ARHGEF18: variants seen among roughly 807,000 people sequenced by gnomAD.
ARHGEF18 encodes Rho/Rac guanine nucleotide exchange factor 18.
In ARHGEF18, 93 loss-of-function variants were observed where a neutral mutation model predicts 155.7. The observed-to-expected ratio is 0.60, with a 90% confidence interval of 0.50 to 0.71. ARHGEF18 has a LOEUF of 0.71. ARHGEF18 is among the 30% of genes least tolerant of loss of function. ARHGEF18 has a pLI of 0.00. For synonymous variants in ARHGEF18, 742 were observed against 753.1 expected, an observed-to-expected ratio of 0.99 and a Z score of 0.24; for missense variants, 1,593 against 1,816.1, an observed-to-expected ratio of 0.88 and a Z score of 2.23.
At chr19:7,394,019 TTTTG>T (rs1304596093) in intron 10 of ARHGEF18, among the ~76,000 whole-genome samples, 1 of 151,590 alleles carries the variant, frequency 6.6e-6, no homozygotes, top group East Asian at 1.9e-4. Flanking sequence ...CTGCCTCTTT[TTTTG>T]TTGTTGTTAT....
chr19:7,357,221 T>C (rs1195382212), intron 1 of ARHGEF18, among the ~76,000 whole-genome samples: 3 of 152,058 alleles, frequency 2.0e-5, no homozygotes, highest in African/African-American at 7.2e-5. Flanking sequence ...GCAGCTGGAG[T>C]GCCTGGGGAG....
chr19:7,462,577 A>G lies in ARHGEF18; in HGVS notation c.2635+243A>G, dbSNP rs1260726500. 1.3e-5 allele frequency among the ~76,000 whole-genome samples: 2 copies of G among 151,972 alleles called. No individual in the cohort carries two copies. The highest frequency in any genetic ancestry group is 2.9e-5 in the Non-Finnish European group (2 of 68,028). ...ACATAAAGCACTTTCTCCCCGTTCA[A>G]CAACCGCTCTGATGCTCCCTGCATG... On this transcript the variant is annotated intron_variant, in intron 21 of 28. Coordinates refer to ENST00000668164, the MANE Select transcript of ARHGEF18 (RefSeq NM_001367823.1). This position sits in a 1 kb window ranked among gnomAD's most constrained non-coding sequence, Gnocchi z 4.4.
chr19:7,451,008 C>T, intron 15 of ARHGEF18, 141 bp from the exon 16 acceptor site: 1 of 783,972 alleles, frequency 1.3e-6, no homozygotes. Context: ...CTGTCCATTT[C>T]CGAGATGTTA....
intron 1 of ARHGEF18, among the ~76,000 whole-genome samples, chr19:7,353,597 AAAAAAG>A (rs1229856125): frequency 1.3e-5 from 2 of 151,732 alleles, no homozygotes; most frequent in African/African-American, 2.4e-5. Flanking sequence ...TCTCAAAAAA[AAAAAAG>A]AAAAAGAAAA....
intron 8 of ARHGEF18, among the ~76,000 whole-genome samples, chr19:7,382,103 G>A (rs1970774059): frequency 6.6e-6 from 1 of 152,022 alleles, no homozygotes; most frequent in East Asian, 1.9e-4. Context: ...GGAGATAGAA[G>A]AATGAGCAGG....
At chr19:7,408,461 C>A (rs1025908294) in intron 10 of ARHGEF18, among the ~76,000 whole-genome samples, 2 of 152,206 alleles carry the variant, frequency 1.3e-5, no homozygotes, top group African/African-American at 4.8e-5. Flanking sequence ...GGTTCACCAG[C>A]CCCTACAGTA....
chr19:7,363,337 G>T (rs1308200208), intron 2 of ARHGEF18, among the ~76,000 whole-genome samples: 1 of 151,932 alleles, frequency 6.6e-6, no homozygotes, highest in East Asian at 1.9e-4. Flanking sequence ...ATGGATAAAT[G>T]GATGATGGGT....
downstream of ARHGEF18, chr19:7,477,177 G>A (rs1977252211): frequency 7.0e-7 from 1 of 1,433,666 alleles, no homozygotes; most frequent in Non-Finnish European, 9.2e-7. Flanking sequence ...GGCTCTGGCT[G>A]TGTCCCTGTG....
In ARHGEF18 at chr19:7,382,836, C is replaced by T; in HGVS notation, c.767C>T (p.Thr256Ile). Residue 256 changes from threonine to isoleucine, a missense_variant, in exon 9 of 29, where the codon ACC becomes ATC. Coordinates refer to ENST00000668164, the MANE Select transcript of ARHGEF18 (RefSeq NM_001367823.1). ...AAGAACGAGAAGAGTGACAAGAGTA[C>T]CAGTGTGAAGCGCAGGCTGAGCTGC... Reference protein sequence around the residue: ...AGKNEKSDKSTSVKRRLSCLR... With the variant: ...AGKNEKSDKSISVKRRLSCLR... 4 of 1,232,580 alleles carry T rather than the reference C, an allele frequency of 3.2e-6. No individual in the cohort carries two copies. Among genetic ancestry groups the T allele is most frequent in the Non-Finnish European group, 4.0e-6 (4 of 988,106 alleles). The allele number at this position is 1,232,580 out of a possible 1,614,324, so 76.4% of individuals were successfully genotyped here.
intron 10 of ARHGEF18, among the ~76,000 whole-genome samples, chr19:7,390,236 G>T (rs796312638): frequency 2.6e-5 from 4 of 152,274 alleles, no homozygotes; most frequent in African/African-American, 9.6e-5. Flanking sequence ...GCTGGGCGTG[G>T]TGGCTTACAC....
chr19:7,375,908 C>T, intron 4 of ARHGEF18, 38 bp downstream of exon 4: 4 of 1,234,252 alleles, frequency 3.2e-6, no homozygotes, highest in South Asian at 4.1e-5. Context: ...CAATAGCACA[C>T]TTTTGGGTTT....
chr19:7,478,624 C>G, the ARHGEF18 span, among the ~76,000 whole-genome samples: 7 of 152,282 alleles, frequency 4.6e-5, no homozygotes, highest in East Asian at 7.7e-4. Flanking sequence ...CAGGGCCTGG[C>G]CCAGCCTCTG....
chr19:7,365,949 T>C (rs1286078491), intron 2 of ARHGEF18, among the ~76,000 whole-genome samples: 2 of 151,956 alleles, frequency 1.3e-5, no homozygotes, highest in African/African-American at 2.4e-5. Context: ...GCTGAACACA[T>C]ATGTATTTTT....
In ARHGEF18 at chr19:7,463,579, T is replaced by C. The variant is rs1351687444; in HGVS notation, c.2636-239T>C. Among the ~76,000 whole-genome samples, 3 of 152,190 alleles carry C rather than the reference T, an allele frequency of 2.0e-5. No homozygotes were observed. Among genetic ancestry groups the C allele is most frequent in the African/African-American group, 7.2e-5 (3 of 41,458 alleles). ...AGCCTGTACCCGCCCTCCCCATGGC[T>C]GCCCCACAGCCCTGTCCTCTCACTT... is the stretch of plus-strand genomic sequence containing the variant. On this transcript the variant is annotated intron_variant, in intron 21 of 28. Transcript: ENST00000668164. This position sits in a 1 kb window ranked among gnomAD's most constrained non-coding sequence, Gnocchi z 5.2.
At chr19:7,397,128 G>A (rs1971757808) in intron 10 of ARHGEF18, among the ~76,000 whole-genome samples, 2 of 146,772 alleles carry the variant, frequency 1.4e-5, no homozygotes, top group Admixed American at 1.4e-4. Context: ...ATGAAGATGT[G>A]TTTGTTCTAG....
chr19:7,395,013 C>T lies in ARHGEF18; in HGVS notation c.967+11810C>T. ...CTCACCACGGCTCGGGGAGCAGCAG[C>T]CCCAGGTCCCCGGGAGCGCCCCGCC... On this transcript the variant is annotated intron_variant, in intron 10 of 28. Transcript: ENST00000668164. The surrounding 1 kb of genome is among the most constrained non-coding windows in gnomAD (Gnocchi z 5.0). 1 of 978,396 alleles carries T rather than the reference C, an allele frequency of 1.0e-6. No homozygotes were observed. The highest frequency in any genetic ancestry group is 1.2e-6 in the Non-Finnish European group (1 of 823,540). 60.6% of individuals were successfully genotyped at this position (978,396 alleles called of 1,614,324 possible). A position where few individuals can be genotyped will look rare whatever the true frequency, so the allele number is the denominator to read the frequency against.
At chr19:7,435,183 G>A (rs1974188935) in intron 10 of ARHGEF18, among the ~76,000 whole-genome samples, 1 of 151,784 alleles carries the variant, frequency 6.6e-6, no homozygotes, top group Non-Finnish European at 1.5e-5. Flanking sequence ...CTGAGTGACA[G>A]AGCGAGACTC....
chr19:7,404,043 G>C (rs1972161708), intron 10 of ARHGEF18, among the ~76,000 whole-genome samples: 1 of 151,722 alleles, frequency 6.6e-6, no homozygotes, highest in Non-Finnish European at 1.5e-5. Flanking sequence ...ATGTCAGCCT[G>C]GGCAACAGAG....
chr19:7,394,689 C>A (rs375240236), intron 10 of ARHGEF18, among the ~76,000 whole-genome samples: 1 of 151,514 alleles, frequency 6.6e-6, no homozygotes, highest in East Asian at 1.9e-4. Flanking sequence ...TGCTGTACCC[C>A]CCTTGAGATT....
Sources: gnomAD v4.1 joint callset for allele counts (sites outside exome capture counted in the v4.1 genomes callset) on GRCh38, gnomAD v4.1.1 for gene constraint, Gnocchi (gnomAD v3.1) non-coding constraint, MANE v1.5 for transcripts, NCBI Gene and HGNC (gene_info 2026-07-23, HGNC 2026-07-21) for gene names.